The following STOX2 variants were observed in gnomAD, a reference collection of about 807,000 sequenced individuals.
The protein encoded by STOX2 is storkhead box 2.
A neutral mutation model predicts 60.9 loss-of-function variants in STOX2; 28 were observed. That is an observed-to-expected ratio of 0.46 (90% CI 0.34 to 0.63). The LOEUF is 0.63. Among genes scored for constraint, STOX2 ranks in the 30% least tolerant of loss-of-function variants. STOX2 has a pLI of 0.01. For synonymous variants in STOX2, 472 were observed against 463.9 expected (o/e 1.02, Z -0.22); for missense variants, 1,024 against 1,187.7 (o/e 0.86, Z 2.03).
intron 1 of STOX2, among the ~76,000 whole-genome samples, chr4:183,813,252 G>A (rs560982520): frequency 2.6e-5 from 4 of 152,100 alleles, no homozygotes; most frequent in Non-Finnish European, 4.4e-5. Context: ...GCAAGGTGGC[G>A]GGCACCTGTA....
At chr4:183,879,007 C>T (rs1410954595) in intron 1 of STOX2, among the ~76,000 whole-genome samples, 2 of 151,642 alleles carry the variant, frequency 1.3e-5, no homozygotes, top group African/African-American at 2.4e-5. Flanking sequence ...AGAACAGCCA[C>T]AGTAATGAAA....
chr4:183,802,514 T>C (rs1738788010), intron 1 of STOX2, among the ~76,000 whole-genome samples: 2 of 151,602 alleles, frequency 1.3e-5, no homozygotes, highest in East Asian at 1.9e-4. Flanking sequence ...AGGTGGGCTA[T>C]AGGCACACAC....
chr4:183,885,933 C>T (rs1482627763), intron 1 of STOX2, among the ~76,000 whole-genome samples: 1 of 152,238 alleles, frequency 6.6e-6, no homozygotes, highest in Non-Finnish European at 1.5e-5. Context: ...GAACCCTTTC[C>T]TGGCCCCAGC....
At chr4:183,812,551 G>A (rs944943863) in intron 1 of STOX2, among the ~76,000 whole-genome samples, 1 of 152,184 alleles carries the variant, frequency 6.6e-6, no homozygotes, top group African/African-American at 2.4e-5. Context: ...GATAGAATAT[G>A]CATTACAGTT....
chr4:183,950,691 G>A (rs932633508), intron 1 of STOX2, among the ~76,000 whole-genome samples: 35 of 152,114 alleles, frequency 2.3e-4, no homozygotes, highest in African/African-American at 8.2e-4. Flanking sequence ...GGGAGCCACA[G>A]AACTCACAGC....
intron 1 of STOX2, among the ~76,000 whole-genome samples, chr4:183,846,146 G>C (rs184968126): frequency 6.6e-6 from 1 of 152,150 alleles, no homozygotes; most frequent in Non-Finnish European, 1.5e-5. Flanking sequence ...TCTGGCCTCC[G>C]TGGCTTCTGA....
intron 1 of STOX2, among the ~76,000 whole-genome samples, chr4:183,932,827 A>C (rs1579434604): frequency 1.3e-5 from 2 of 152,318 alleles, no homozygotes; most frequent in South Asian, 4.1e-4. Context: ...ACTGTGGAAG[A>C]TGTGGGTGTT....
intron 1 of STOX2, among the ~76,000 whole-genome samples, chr4:183,946,625 TG>T (rs1422551645): frequency 1.8e-4 from 13 of 71,198 alleles, no homozygotes; most frequent in Middle Eastern, 0.012. Context: ...TACATAGTTG[TG>T]GTTTTTTTTT....
rs1021709666 is a variant in STOX2, at chr4:183,821,962, A to G, written c.364+23907A>G. Among the ~76,000 whole-genome samples, 2 of 152,218 alleles carry G rather than the reference A, an allele frequency of 1.3e-5. No homozygotes were observed. The highest frequency in any genetic ancestry group is 4.8e-5 in the African/African-American group (2 of 41,452). On this transcript the variant is annotated intron_variant, in intron 1 of 2. Transcript: ENST00000513034. This position sits in a 1 kb window ranked among gnomAD's most constrained non-coding sequence, Gnocchi z 4.2. ...CCCTAAAAAGGACGCTTGTGTGTGG[A>G]AAAGGTGATACAGTTTGTGTCGGGT...
chr4:183,804,621 C>T (rs1412354327), intron 1 of STOX2, among the ~76,000 whole-genome samples: 1 of 152,186 alleles, frequency 6.6e-6, no homozygotes, highest in Non-Finnish European at 1.5e-5. Flanking sequence ...GCGGGCCTGG[C>T]TCCTAAAGAA....
At chr4:183,947,083 G>A (rs1356069989) in intron 1 of STOX2, among the ~76,000 whole-genome samples, 4 of 39,080 alleles carry the variant, frequency 1.0e-4, no homozygotes, top group East Asian at 5.4e-3. Context: ...TCCTGGTGGG[G>A]GGTGGGGCAA....
rs148723877 is a variant in STOX2 at position 183,811,808 on chromosome 4, A to G, written c.364+13753A>G. On this transcript the variant is annotated intron_variant, in intron 1 of 2. Transcript: ENST00000513034. The stretch of plus-strand genomic sequence containing the variant: ...ATACTTTAGATATGTCTTTGACACT[A>G]TGGAAGAGATAAGGTTCAGAAAGCT... Among the ~76,000 whole-genome samples, 384 of 152,282 alleles carry G rather than the reference A, an allele frequency of 2.5e-3. 5 individuals carry two copies. Among genetic ancestry groups the G allele is most frequent in the African/African-American group, 8.8e-3 (365 of 41,550 alleles).
At chr4:183,862,409 C>T (rs1392252418) in intron 1 of STOX2, among the ~76,000 whole-genome samples, 3 of 152,202 alleles carry the variant, frequency 2.0e-5, no homozygotes, top group Non-Finnish European at 4.4e-5. Flanking sequence ...CTGCCTACCT[C>T]GGCCTCCCAA....
intron 1 of STOX2, among the ~76,000 whole-genome samples, chr4:183,936,494 CT>C (rs200726605): frequency 3.4e-5 from 5 of 148,830 alleles, no homozygotes; most frequent in East Asian, 3.9e-4. Context: ...CTGATAGTAT[CT>C]TTTTTTTTCT....
chr4:183,989,428 C>T (rs1733002756), intron 1 of STOX2, among the ~76,000 whole-genome samples: 1 of 152,152 alleles, frequency 6.6e-6, no homozygotes, highest in South Asian at 2.1e-4. Context: ...TCTTGAACTT[C>T]TGACCTCTGT....
chr4:183,885,568 A>C (rs568294654), intron 1 of STOX2, among the ~76,000 whole-genome samples: 1 of 152,278 alleles, frequency 6.6e-6, no homozygotes, highest in African/African-American at 2.4e-5. Flanking sequence ...TGCTTTGTTA[A>C]TGGTGCTGAG....
Position 184,010,059 on chromosome 4 carries a change from C to T in STOX2, c.1221C>T (p.Pro407=). The T allele has an allele frequency of 6.2e-7, 1 of 1,613,390 alleles. No homozygotes were observed. The highest frequency in any genetic ancestry group is 8.5e-7 in the Non-Finnish European group (1 of 1,179,700). ...TTTGTGATCCTCTTACCAGGGTGCC[C>T]AGGGAGGGCTGCTTCATCATTGAAC... ...YDFCDPLTRV[P]REGCFIIEHK... is the part of the protein sequence containing the mutation. Residue 407 remains proline (P), a synonymous_variant, in exon 3 of 4, where the codon CCC becomes CCT. Coordinates refer to ENST00000308497, the MANE Select transcript of STOX2 (RefSeq NM_020225.3). The surrounding 1 kb of genome is among the most constrained non-coding windows in gnomAD (Gnocchi z 4.5).
intron 1 of STOX2, among the ~76,000 whole-genome samples, chr4:183,853,248 T>C (rs1408665223): frequency 6.6e-6 from 1 of 152,212 alleles, no homozygotes; most frequent in East Asian, 1.9e-4. Flanking sequence ...ATTGTCAGGC[T>C]TTTCCCTTGC....
upstream of STOX2, among the ~76,000 whole-genome samples, chr4:183,902,080 A>G (rs1018366902): frequency 6.6e-6 from 1 of 152,238 alleles, no homozygotes; most frequent in African/African-American, 2.4e-5. Context: ...TTGGGCCTTT[A>G]GTAGTCATCA....
Sources: allele counts gnomAD v4.1 joint callset (sites outside exome capture counted in the v4.1 genomes callset), GRCh38; gene constraint gnomAD v4.1.1; non-coding constraint Gnocchi (gnomAD v3.1); transcripts MANE v1.5; gene names NCBI Gene and HGNC (gene_info 2026-07-23, HGNC 2026-07-21).